The following MAP4K5 variants were observed in gnomAD, a reference collection of about 807,000 sequenced individuals.
MAP4K5 encodes the protein MAPK/ERK kinase kinase kinase 5.
MAP4K5 carries 82 observed loss-of-function variants against 135.6 expected under a neutral mutation model. That is an observed-to-expected ratio of 0.60 (90% CI 0.51 to 0.73). The LOEUF is 0.73. Ranked by LOEUF, MAP4K5 falls within the 30% of genes least tolerant of loss-of-function variation. The probability of loss-of-function intolerance (pLI) is 0.00; values close to 1 mark genes in which losing one functional copy is unlikely to be tolerated. For missense variants in MAP4K5, 907 were observed against 1,010.9 expected (o/e 0.90, Z 1.39); for synonymous variants, 347 against 335.0 (o/e 1.04, Z -0.39).
At chr14:50,542,621 C>G (rs538169096) in intron 1 of MAP4K5, 2 of 152,114 alleles carry the variant, frequency 1.3e-5, no homozygotes, top group South Asian at 2.1e-4. Flanking sequence ...AACAAATGTC[C>G]ATTGGACCTG....
chr14:50,421,327 C>T (rs1425431904), intron 32 of MAP4K5, among the ~76,000 whole-genome samples: 2 of 151,608 alleles, frequency 1.3e-5, no homozygotes, highest in African/African-American at 2.4e-5. Flanking sequence ...GGCGTGATCT[C>T]GGCACACTGC....
chr14:50,451,990 G>T (rs1566650201), intron 14 of MAP4K5, among the ~76,000 whole-genome samples: 1 of 152,096 alleles, frequency 6.6e-6, no homozygotes, highest in Non-Finnish European at 1.5e-5. Context: ...ACTGTACTTT[G>T]AATTTTGATC....
At chr14:50,464,638 G>C (rs1024700981) in intron 11 of MAP4K5, among the ~76,000 whole-genome samples, 6 of 152,166 alleles carry the variant, frequency 3.9e-5, no homozygotes, top group Admixed American at 2.6e-4. Flanking sequence ...ATGAAGTGGG[G>C]AAAGGAAGAA....
At chr14:50,531,833 G>C in intron 2 of MAP4K5, 109 bp downstream of exon 2, 1 of 822,814 alleles carries the variant, frequency 1.2e-6, no homozygotes, top group South Asian at 1.5e-5. Context: ...TTCTCCCCAA[G>C]AGGCAACAAT....
Position 50,442,724 on chromosome 14 carries a change from C to A in MAP4K5, c.1564+8G>T. ...ATTGGAGATGTATATAAAATTCAAA[C>A]ATTTTACCTTTTGTATCAGGATGTA... On this transcript the variant is annotated splice_region_variant and intron_variant, in intron 21 of 32. Transcript: ENST00000682126. The A allele has an allele frequency of 6.5e-7, 1 of 1,543,118 alleles. No homozygotes were observed. The highest frequency in any genetic ancestry group is 8.8e-7 in the Non-Finnish European group (1 of 1,131,630).
chr14:50,546,294 C>A (rs2038630768), intron 1 of MAP4K5, among the ~76,000 whole-genome samples: 1 of 152,054 alleles, frequency 6.6e-6, no homozygotes, highest in Non-Finnish European at 1.5e-5. Context: ...GATATGGATC[C>A]AGTTATCCTT....
At chr14:50,432,204 G>A (rs527618762) in intron 28 of MAP4K5, among the ~76,000 whole-genome samples, 76 of 152,306 alleles carry the variant, frequency 5.0e-4, no homozygotes, top group Non-Finnish European at 6.6e-4. Flanking sequence ...TTGAATAGGA[G>A]TTTATTTTAA....
At chr14:50,436,396 G>T (rs1723498175) in intron 26 of MAP4K5, among the ~76,000 whole-genome samples, 1 of 152,116 alleles carries the variant, frequency 6.6e-6, no homozygotes, top group Non-Finnish European at 1.5e-5. Flanking sequence ...ATGATTCAGG[G>T]TGGGGACTGG....
intron 14 of MAP4K5, 138 bp downstream of exon 14, chr14:50,456,378 C>A: frequency 4.7e-6 from 3 of 643,902 alleles, no homozygotes; most frequent in South Asian, 1.9e-5. Context: ...ACCAGAAAAG[C>A]AACCCCTATT....
At chr14:50,537,129 G>A (rs764841058), upstream of MAP4K5, among the ~76,000 whole-genome samples, 46 of 152,206 alleles carry the variant, frequency 3.0e-4, no homozygotes, top group South Asian at 6.2e-4. Context: ...GCTAGGCCCA[G>A]GGTCCCTGTG....
intron 3 of MAP4K5, among the ~76,000 whole-genome samples, chr14:50,489,529 C>G (rs1466494136): frequency 6.6e-6 from 1 of 152,066 alleles, no homozygotes; most frequent in African/African-American, 2.4e-5. Context: ...CCTGAAGTAC[C>G]AATATCTTCT....
chr14:50,469,493 G>A (rs896010192), intron 9 of MAP4K5, among the ~76,000 whole-genome samples: 3 of 152,066 alleles, frequency 2.0e-5, no homozygotes, highest in African/African-American at 7.2e-5. Context: ...AAATGATGGG[G>A]ACCCAATGAA....
At chr14:50,551,740 A>C (rs974519210) in intron 1 of MAP4K5, among the ~76,000 whole-genome samples, 1 of 152,172 alleles carries the variant, frequency 6.6e-6, no homozygotes, top group African/African-American at 2.4e-5. Context: ...CAATAAATGT[A>C]ATACATCATA....
At chr14:50,486,958 A>C (rs1052966604) in intron 3 of MAP4K5, among the ~76,000 whole-genome samples, 1 of 152,200 alleles carries the variant, frequency 6.6e-6, no homozygotes, top group African/African-American at 2.4e-5. Context: ...AAGGCCAAGA[A>C]GGAAAAACTC....
At chr14:50,464,249 CTTAG>C (rs1166113724) in intron 11 of MAP4K5, 116 bp from the exon 12 acceptor site, 4 of 606,968 alleles carry the variant, frequency 6.6e-6, no homozygotes, top group South Asian at 2.1e-5. Flanking sequence ...TATTGGGCCA[CTTAG>C]TTAAAGTACA....
At chr14:50,497,732 A>G (rs983669761) in intron 3 of MAP4K5, among the ~76,000 whole-genome samples, 2 of 152,240 alleles carry the variant, frequency 1.3e-5, no homozygotes, top group African/African-American at 4.8e-5. Context: ...ATATTTAAAG[A>G]TTCCTATTTA....
Position 50,486,157 on chromosome 14 carries a change from C to T in MAP4K5, c.204G>A (p.Met68Ile). Residue 68 changes from methionine (M) to isoleucine (I), a missense_variant, in exon 4 of 33, where the codon ATG (methionine) becomes ATA (isoleucine). This residue lies in a region of MAP4K5 where 196 missense variants were observed against 189.3 expected (regional missense o/e 1.04). Coordinates refer to ENST00000682126, the MANE Select transcript of MAP4K5 (RefSeq NM_006575.6). The part of the protein sequence containing the change: ...DFSLIQQEIF[M>I]VKECKHCNIV... ...TGTTACAATGTTTACATTCTTTAAC[C>T]ATAAATATTTCTTGTTGAATCAAAG... 7.1e-7 allele frequency: 1 copy of T among 1,408,434 alleles called. No individual in the cohort carries two copies. Among genetic ancestry groups the T allele is most frequent in the Non-Finnish European group, 9.7e-7 (1 of 1,031,714 alleles). 87.2% of individuals were successfully genotyped at this position (1,408,434 alleles called of 1,614,324 possible). A position where few individuals can be genotyped will look rare whatever the true frequency, so the allele number is the denominator to read the frequency against.
At chr14:50,460,797 G>A (rs935373162) in intron 13 of MAP4K5, among the ~76,000 whole-genome samples, 2 of 152,144 alleles carry the variant, frequency 1.3e-5, no homozygotes, top group African/African-American at 4.8e-5. Flanking sequence ...ATATGATGGT[G>A]TATTAACTAA....
chr14:50,490,870 T>C (rs892883513), intron 3 of MAP4K5, among the ~76,000 whole-genome samples: 6 of 152,090 alleles, frequency 3.9e-5, no homozygotes, highest in Non-Finnish European at 8.8e-5. Context: ...AAAACACTTG[T>C]AAAAACATAG....
Sources: gnomAD v4.1 joint callset for allele counts (sites outside exome capture counted in the v4.1 genomes callset) on GRCh38, gnomAD v4.1.1 for gene constraint, gnomAD v4.1.1 regional missense constraint, MANE v1.5 for transcripts, NCBI Gene and HGNC (gene_info 2026-07-23, HGNC 2026-07-21) for gene names.